The following TAPBPL variants were observed in gnomAD, a reference collection of about 807,000 sequenced individuals.
The protein encoded by TAPBPL is tapasin-related protein.
In TAPBPL, 32 loss-of-function variants were observed where a neutral mutation model predicts 44.8. The observed-to-expected ratio is 0.71, with a 90% CI of 0.54 to 0.96. TAPBPL has a LOEUF of 0.96. Ranked by LOEUF, TAPBPL falls within the 40% of genes least tolerant of loss-of-function variation. The pLI is 0.00. For missense variants in TAPBPL, 520 were observed against 586.6 expected (o/e 0.89, Z 1.17); for synonymous variants, 230 against 240.7 (o/e 0.96, Z 0.41).
intron 5 of TAPBPL, among the ~76,000 whole-genome samples, chr12:6,460,306 C>T (rs550138501): frequency 1.1e-4 from 16 of 152,298 alleles, no homozygotes; most frequent in Admixed American, 8.5e-4. Flanking sequence ...CACTCTGTCG[C>T]CCAGGCTGGA....
chr12:6,459,934 C>CTAAA (rs1429560923), intron 5 of TAPBPL, among the ~76,000 whole-genome samples: 1 of 151,518 alleles, frequency 6.6e-6, no homozygotes. Context: ...CCACGCCTGG[C>CTAAA]TAATTTTGCG....
rs147068010 is a variant in TAPBPL at position 6,455,170 on chromosome 12, ACTC to A, written c.565+1458_565+1460del. ...AATTTGCCACATTCTCTCTCCCCCG[ACTC>A]CTCATGTGTGTATATGTGTACGTGT... On this transcript the variant is annotated intron_variant, in intron 3 of 6. Transcript: ENST00000266556. Among the ~76,000 whole-genome samples the A allele has an allele frequency of 8.4e-4, 127 of 151,942 alleles. 2 individuals are homozygous for A. In the East Asian group the frequency reaches 0.021, roughly 25 times the overall value.
intron 4 of TAPBPL, among the ~76,000 whole-genome samples, chr12:6,458,237 A>C (rs1055153664): frequency 1.3e-5 from 2 of 152,152 alleles, no homozygotes; most frequent in Non-Finnish European, 2.9e-5. Context: ...ATAGCTAGGC[A>C]TGGTGGTGCG....
rs1949738271 is a variant in TAPBPL, at chr12:6,457,741, C to G, written c.901C>G (p.Gln301Glu). Reference sequence around the variant, plus strand: ...TCAGCAGATCATCCAGCTCAACATCCAAGGTGAGGCCAGGACATGGTTATC... The same window carrying G: ...TCAGCAGATCATCCAGCTCAACATCGAAGGTGAGGCCAGGACATGGTTATC... ...RAQQIIQLNI[Q>E]ASPKVRLSLA... Residue 301 changes from glutamine (Q) to glutamate (E), a missense_variant, in exon 4 of 7, where the codon CAA (glutamine) becomes GAA (glutamate). Transcript: ENST00000266556. 6.3e-7 allele frequency: 1 copy of G among 1,577,660 alleles called. No individual in the cohort carries two copies. Among genetic ancestry groups the G allele is most frequent in the Admixed American group, 1.7e-5 (1 of 58,184 alleles).
Position 6,453,324 on chromosome 12 carries a change from G to A in TAPBPL, c.295+27G>A. On this transcript the variant is annotated intron_variant, in intron 2 of 6. Transcript: ENST00000266556. This position sits in a 1 kb window ranked among gnomAD's most constrained non-coding sequence, Gnocchi z 4.8. ...TAAAAGCCTTCCACCTGTGTCCTTG[G>A]TCCTCCCGGGCTCCCTCCACCAGGA... 2 of 1,611,988 alleles carry A rather than the reference G, an allele frequency of 1.2e-6. No homozygotes were observed. Among genetic ancestry groups the A allele is most frequent in the Non-Finnish European group, 1.7e-6 (2 of 1,179,046 alleles).
At chr12:6,464,981 G>A (rs1300071989), downstream of TAPBPL, 2 of 1,611,040 alleles carry the variant, frequency 1.2e-6, no homozygotes, top group East Asian at 4.5e-5. Flanking sequence ...TTGGATTTCA[G>A]GAATGAGGAA....
chr12:6,470,707 T>C (rs1261953591), downstream of TAPBPL: 2 of 759,776 alleles, frequency 2.6e-6, no homozygotes, highest in Non-Finnish European at 4.4e-6. Flanking sequence ...CCGCCTTTAT[T>C]AGTGCTGACC....
At chr12:6,466,132 TCTC>T (rs546676031), downstream of TAPBPL, 12,350 of 1,611,746 alleles carry the variant, frequency 7.7e-3, 115 homozygotes, top group Non-Finnish European at 7.5e-3. Context: ...CTTTGACTAT[TCTC>T]CTACGAAAAA....
At chr12:6,458,056 A>G (rs1317143626) in intron 4 of TAPBPL, among the ~76,000 whole-genome samples, 1 of 152,200 alleles carries the variant, frequency 6.6e-6, no homozygotes, top group African/African-American at 2.4e-5. Context: ...AGAGCAGTGG[A>G]AGCGGTTCTG....
downstream of TAPBPL, chr12:6,464,502 AG>A (rs1565525088): frequency 2.0e-6 from 3 of 1,501,494 alleles, no homozygotes; most frequent in Admixed American, 4.7e-5. Context: ...CACAGGAATC[AG>A]GAAGTCCCAG....
At chr12:6,461,404 C>A in intron 6 of TAPBPL, 8 of 999,634 alleles carry the variant, frequency 8.0e-6, no homozygotes, top group Non-Finnish European at 9.6e-6. Flanking sequence ...GGTGGTGTGA[C>A]GGTAGGAAAA....
chr12:6,453,251 G>T lies in TAPBPL; in HGVS notation c.249G>T (p.Gly83=). 1 of 1,614,042 alleles carries T rather than the reference G, an allele frequency of 6.2e-7. No homozygotes were observed. Among genetic ancestry groups the T allele is most frequent in the South Asian group, 1.1e-5 (1 of 91,048 alleles). The change falls in exon 2 of 7, where the codon GGG becomes GGT. Residue 83 remains glycine, a synonymous_variant. Transcript: ENST00000266556. The surrounding 1 kb of genome is among the most constrained non-coding windows in gnomAD (Gnocchi z 4.8). ...GSLEDFTDFQ[G]GTLAQDDPPI... ...TGGAGGACTTCACCGATTTCCAAGGGGGCACACTGGCCCAAGATGACCCAC... is the reference window on the plus strand; with the variant it reads ...TGGAGGACTTCACCGATTTCCAAGGTGGCACACTGGCCCAAGATGACCCAC...
chr12:6,470,599 G>A (rs1315510930), downstream of TAPBPL: 1 of 1,602,880 alleles, frequency 6.2e-7, no homozygotes, highest in Non-Finnish European at 8.5e-7. Flanking sequence ...GGTGAGGGAC[G>A]CTGCGGCTGA....
At chr12:6,455,267 C>G (rs950160138) in intron 3 of TAPBPL, among the ~76,000 whole-genome samples, 1 of 152,056 alleles carries the variant, frequency 6.6e-6, no homozygotes, top group Non-Finnish European at 1.5e-5. Flanking sequence ...TGTTTGAACC[C>G]CGAAACGCAT....
intron 6 of TAPBPL, 58 bp downstream of exon 6, chr12:6,460,996 C>CT: frequency 6.2e-7 from 1 of 1,609,986 alleles, no homozygotes; most frequent in South Asian, 1.1e-5. Context: ...CTCTAACCAC[C>CT]CCCCCGCCCA....
At chr12:6,470,421 C>A (rs1421092959), downstream of TAPBPL, 6 of 1,541,298 alleles carry the variant, frequency 3.9e-6, no homozygotes, top group Non-Finnish European at 5.3e-6. Context: ...TGGTAGTTCC[C>A]CGCGTTGCTG....
chr12:6,455,044 G>A (rs2532497), intron 3 of TAPBPL, among the ~76,000 whole-genome samples: 32,671 of 152,042 alleles, frequency 0.21, 4,350 homozygotes, highest in East Asian at 0.33. Flanking sequence ...CCTGGCATGC[G>A]TAGGTATTTC....
chr12:6,452,500 G>A, intron 1 of TAPBPL, 188 bp downstream of exon 1: 1 of 1,435,346 alleles, frequency 7.0e-7, no homozygotes, highest in Non-Finnish European at 9.2e-7. Flanking sequence ...GGAGGGTGGG[G>A]ACTCCACAGG....
chr12:6,464,741 C>T, downstream of TAPBPL: 26 of 1,519,864 alleles, frequency 1.7e-5, no homozygotes, highest in Non-Finnish European at 2.3e-5. Flanking sequence ...TCTGCCCTTC[C>T]CCCGTCCCGA....
Sources: gnomAD v4.1 joint callset for allele counts (sites outside exome capture counted in the v4.1 genomes callset) on GRCh38, gnomAD v4.1.1 for gene constraint, Gnocchi (gnomAD v3.1) non-coding constraint, MANE v1.5 for transcripts, NCBI Gene and HGNC (gene_info 2026-07-23, HGNC 2026-07-21) for gene names.